Variants in NMNAT1 observed in about 807,000 individuals in gnomAD.
The protein encoded by NMNAT1 is nicotinamide nucleotide adenylyltransferase 1.
NMNAT1 carries 11 observed loss-of-function variants against 16.7 expected under a neutral mutation model. The observed-to-expected ratio is 0.66, with a 90% CI of 0.41 to 1.09. The LOEUF (loss-of-function observed/expected upper bound fraction) is 1.09. Ranked by LOEUF, NMNAT1 falls within the 50% of genes least tolerant of loss-of-function variation. The probability of loss-of-function intolerance (pLI) is 0.00; values close to 1 mark genes in which losing one functional copy is unlikely to be tolerated. For missense variants in NMNAT1, 280 were observed against 332.3 expected (o/e 0.84, Z 1.22); for synonymous variants, 110 against 119.8 (o/e 0.92, Z 0.53).
At chr1:9,956,331 G>A (rs925392167) in intron 1 of NMNAT1, among the ~76,000 whole-genome samples, 2 of 151,522 alleles carry the variant, frequency 1.3e-5, no homozygotes, top group Middle Eastern at 3.2e-3. Flanking sequence ...CACCACACCC[G>A]GCTAGCTTTT....
chr1:9,991,210 A>G, the NMNAT1 span, among the ~76,000 whole-genome samples: 7 of 150,006 alleles, frequency 4.7e-5, no homozygotes, highest in African/African-American at 9.8e-5. Context: ...TTTTTAGACA[A>G]AGTCTTGCCT....
At chr1:9,963,804 T>C (rs1052313205) in intron 1 of NMNAT1, among the ~76,000 whole-genome samples, 2 of 152,148 alleles carry the variant, frequency 1.3e-5, no homozygotes, top group Non-Finnish European at 2.9e-5. Context: ...GAATTAACTA[T>C]AGATTATCAT....
chr1:9,973,576 C>T (rs535968733), intron 2 of NMNAT1, among the ~76,000 whole-genome samples: 6 of 151,070 alleles, frequency 4.0e-5, no homozygotes, highest in African/African-American at 2.4e-5. Context: ...GGCATGGTGG[C>T]GGGTGCCTGT....
intron 1 of NMNAT1, among the ~76,000 whole-genome samples, chr1:9,955,601 A>G (rs1377833144): frequency 1.3e-5 from 2 of 152,066 alleles, no homozygotes; most frequent in South Asian, 2.1e-4. Context: ...GTGAAACTCC[A>G]TCTCAAAAAA....
chr1:9,994,739 G>C, the NMNAT1 span, among the ~76,000 whole-genome samples: 1 of 151,760 alleles, frequency 6.6e-6, no homozygotes, highest in Non-Finnish European at 1.5e-5. Flanking sequence ...AGCCTCCCGA[G>C]TAGCTGGGAC....
At chr1:9,973,680 C>T (rs1294005446) in intron 2 of NMNAT1, among the ~76,000 whole-genome samples, 6 of 112,876 alleles carry the variant, frequency 5.3e-5, no homozygotes, top group African/African-American at 1.8e-4. Context: ...TGCACTCCAG[C>T]CTGGGTGACA....
At position 9,954,431 on chromosome 1, in the gene NMNAT1, G is replaced by A. The variant is rs537880169; in HGVS notation, c.-57+10916G>A. 1.2e-3 allele frequency among the ~76,000 whole-genome samples: 184 copies of A among 151,890 alleles called. 1 individual carries two copies. Among genetic ancestry groups the A allele is most frequent in the Non-Finnish European group, 1.3e-3 (88 of 67,928 alleles). ...TCACCATGTTGCCCAGGCTGGTCTT[G>A]AACTCCTGACTTCACACGATCCTCC... is the stretch of plus-strand genomic sequence containing the variant. On this transcript the variant is annotated intron_variant, in intron 1 of 4. Transcript: ENST00000377205.
chr1:9,945,806 TAC>T lies in NMNAT1; in HGVS notation c.-57+2293_-57+2294del, dbSNP rs1176371591. ...GTTTGCCCTGTCACCCAGACTGGAG[TAC>T]AGTGACACGAGCACGGCTCACTGCA... On this transcript the variant is annotated intron_variant, in intron 1 of 4. Transcript: ENST00000377205. Among the ~76,000 whole-genome samples the T allele has an allele frequency of 2.0e-5, 3 of 152,156 alleles. No individual in the cohort carries two copies. The East Asian group carries it at 5.8e-4, about 29-fold the overall frequency.
chr1:9,951,984 G>A (rs1028419139), intron 1 of NMNAT1, among the ~76,000 whole-genome samples: 2 of 152,068 alleles, frequency 1.3e-5, no homozygotes, highest in African/African-American at 4.8e-5. Flanking sequence ...ATTATTTACA[G>A]CCAAACTTTC....
At chr1:9,969,341 TG>T (rs1641637455) in intron 1 of NMNAT1, among the ~76,000 whole-genome samples, 2 of 152,194 alleles carry the variant, frequency 1.3e-5, no homozygotes, top group African/African-American at 4.8e-5. Context: ...ATAGGGCTCT[TG>T]GAAATTAAGA....
Position 9,984,436 on chromosome 1 carries a change from G to A in NMNAT1, c.*1735G>A, listed in dbSNP as rs188668108. 10 of 152,188 alleles carry A rather than the reference G, an allele frequency of 6.6e-5. No individual in the cohort carries two copies. Among genetic ancestry groups the A allele is most frequent in the Admixed American group, 3.3e-4 (5 of 15,268 alleles). The allele number at this position is 152,188 out of a possible 1,614,324, so 9.4% of individuals were successfully genotyped here. ...AACAAGCTTGGCTTTTTCTCCCAAC[G>A]CCGAGGATGCTGTTGATGCTGCCAC... On this transcript the variant is annotated 3_prime_UTR_variant, in exon 5 of 5. Coordinates refer to ENST00000377205, the MANE Select transcript of NMNAT1 (RefSeq NM_022787.4).
chr1:9,976,493 G>A (rs1641817213), intron 3 of NMNAT1, among the ~76,000 whole-genome samples: 1 of 152,068 alleles, frequency 6.6e-6, no homozygotes, highest in African/African-American at 2.4e-5. Context: ...CTTGATCATG[G>A]ACAGGCCTGA....
the NMNAT1 span, among the ~76,000 whole-genome samples, chr1:9,993,410 A>G: frequency 6.6e-6 from 1 of 151,896 alleles, no homozygotes; most frequent in Non-Finnish European, 1.5e-5. Flanking sequence ...CAGGAGGTGG[A>G]GGTTGCAGTG....
At chr1:9,992,304 A>G in the NMNAT1 span, among the ~76,000 whole-genome samples, 15 of 151,888 alleles carry the variant, frequency 9.9e-5, no homozygotes, top group African/African-American at 3.6e-4. Flanking sequence ...GCTGATCTCA[A>G]AATCCTGGGC....
downstream of NMNAT1, among the ~76,000 whole-genome samples, chr1:9,987,881 G>A (rs1239026148): frequency 6.6e-6 from 1 of 152,060 alleles, no homozygotes; most frequent in Non-Finnish European, 1.5e-5. Context: ...GAAGACCCAA[G>A]TCTCCAGCCA....
At chr1:9,965,355 T>A (rs1360498015) in intron 1 of NMNAT1, among the ~76,000 whole-genome samples, 2 of 151,830 alleles carry the variant, frequency 1.3e-5, no homozygotes, top group East Asian at 1.9e-4. Context: ...TGATTATTTT[T>A]AAGACATTCT....
intron 3 of NMNAT1, among the ~76,000 whole-genome samples, chr1:9,977,800 G>T (rs1641848495): frequency 6.6e-6 from 1 of 152,060 alleles, no homozygotes; most frequent in Non-Finnish European, 1.5e-5. Context: ...AGAGGTTACG[G>T]TGAACTGAAA....
chr1:9,995,431 GC>G, the NMNAT1 span, among the ~76,000 whole-genome samples: 1 of 151,814 alleles, frequency 6.6e-6, no homozygotes, highest in Admixed American at 6.6e-5. Flanking sequence ...GGTGGCTCAT[GC>G]CTGTAATTCC....
intron 2 of NMNAT1, among the ~76,000 whole-genome samples, chr1:9,974,135 A>G (rs2101698212): frequency 6.6e-6 from 1 of 152,092 alleles, no homozygotes; most frequent in East Asian, 1.9e-4. Context: ...ACCATAACAT[A>G]GCATAACCAT....
Sources: gnomAD v4.1 joint callset for allele counts (sites outside exome capture counted in the v4.1 genomes callset) on GRCh38, gnomAD v4.1.1 for gene constraint, MANE v1.5 for transcripts, NCBI Gene and HGNC (gene_info 2026-07-23, HGNC 2026-07-21) for gene names.